MTUS2: variants seen among roughly 807,000 people sequenced by gnomAD.
MTUS2 encodes microtubule-associated tumor suppressor candidate 2.
MTUS2 carries 40 observed loss-of-function variants against 114.1 expected under a neutral mutation model. The ratio of observed to expected loss-of-function variants is 0.35; its 90% confidence interval spans 0.27 to 0.46. The LOEUF (loss-of-function observed/expected upper bound fraction) is 0.46. Ranked by LOEUF, MTUS2 falls within the 20% of genes least tolerant of loss-of-function variation. The pLI, the probability that MTUS2 is intolerant of heterozygous loss-of-function variation, is 1.00. For missense variants in MTUS2, 1,679 were observed against 1,705.4 expected (o/e 0.98, Z 0.27); for synonymous variants, 688 against 672.0 (o/e 1.02, Z -0.37).
chr13:28,909,794 C>G (rs1213030287), intron 2 of MTUS2, among the ~76,000 whole-genome samples: 1 of 152,150 alleles, frequency 6.6e-6, no homozygotes, highest in African/African-American at 2.4e-5. Flanking sequence ...CGTCTCAGCC[C>G]AAAATCTCCT....
intron 5 of MTUS2, among the ~76,000 whole-genome samples, chr13:29,195,318 A>G (rs1476956571): frequency 6.6e-6 from 1 of 151,982 alleles, no homozygotes; most frequent in African/African-American, 2.4e-5. Context: ...AAGGTTATCA[A>G]GAAGAAAATA....
intron 2 of MTUS2, among the ~76,000 whole-genome samples, chr13:28,854,153 C>T (rs1403238911): frequency 2.0e-5 from 3 of 152,158 alleles, no homozygotes; most frequent in African/African-American, 7.2e-5. Context: ...AAGACTTACC[C>T]TAGACCTCTG....
At chr13:29,187,424 T>A (rs1028247819) in intron 5 of MTUS2, among the ~76,000 whole-genome samples, 1 of 152,192 alleles carries the variant, frequency 6.6e-6, no homozygotes, top group East Asian at 1.9e-4. Context: ...ACATTACTAC[T>A]GACCTTAGAG....
At chr13:29,237,651 A>T in intron 5 of MTUS2, among the ~76,000 whole-genome samples, 1 of 152,164 alleles carries the variant, frequency 6.6e-6, no homozygotes. Flanking sequence ...TACTTCTGTG[A>T]CTTCGATTCT....
At chr13:29,244,443 G>A (rs929783629) in intron 5 of MTUS2, among the ~76,000 whole-genome samples, 3 of 151,980 alleles carry the variant, frequency 2.0e-5, no homozygotes, top group African/African-American at 7.3e-5. Flanking sequence ...AAGGAGAGAA[G>A]CAAGTGAGGG....
intron 5 of MTUS2, among the ~76,000 whole-genome samples, chr13:29,246,775 A>G (rs1207298301): frequency 6.6e-6 from 1 of 152,180 alleles, no homozygotes; most frequent in African/African-American, 2.4e-5. Context: ...ACAAATGGAA[A>G]CACATCCCAT....
intron 11 of MTUS2, among the ~76,000 whole-genome samples, chr13:29,489,026 C>T (rs919577408): frequency 3.3e-5 from 5 of 152,246 alleles, no homozygotes; most frequent in Admixed American, 2.0e-4. Context: ...GGCTCACACC[C>T]GTAATCCCAG....
At chr13:29,020,516 G>A (rs1225600160) in intron 2 of MTUS2, among the ~76,000 whole-genome samples, 1 of 152,184 alleles carries the variant, frequency 6.6e-6, no homozygotes, top group African/African-American at 2.4e-5. Flanking sequence ...AGGGAGACGC[G>A]TGAGGCCACA....
chr13:28,884,627 C>T (rs1308883059), intron 2 of MTUS2, among the ~76,000 whole-genome samples: 4 of 152,064 alleles, frequency 2.6e-5, no homozygotes, highest in East Asian at 1.9e-4. Flanking sequence ...GAGCGGGGAA[C>T]GGGAGTGAGT....
intron 4 of MTUS2, among the ~76,000 whole-genome samples, chr13:29,046,919 G>A (rs538013024): frequency 1.3e-5 from 2 of 152,202 alleles, no homozygotes; most frequent in African/African-American, 4.8e-5. Context: ...CAAATGTTTA[G>A]CCAACTGGGA....
intron 5 of MTUS2, among the ~76,000 whole-genome samples, chr13:29,203,963 T>TC (rs1895074038): frequency 6.6e-6 from 1 of 151,454 alleles, no homozygotes; most frequent in African/African-American, 2.4e-5. Context: ...GCTGTTACTT[T>TC]TTTTTTTTTT....
intron 5 of MTUS2, among the ~76,000 whole-genome samples, chr13:29,236,084 G>GT (rs1896524973): frequency 6.6e-6 from 1 of 151,934 alleles, no homozygotes; most frequent in African/African-American, 2.4e-5. Flanking sequence ...GGTATATTGA[G>GT]TTTTTTTCCT....
intron 4 of MTUS2, among the ~76,000 whole-genome samples, chr13:29,096,450 C>T (rs1363603749): frequency 2.6e-5 from 4 of 152,200 alleles, no homozygotes; most frequent in Non-Finnish European, 5.9e-5. Flanking sequence ...TTTTTAAAGC[C>T]ACTCTTTGAG....
intron 2 of MTUS2, among the ~76,000 whole-genome samples, chr13:28,890,838 A>C (rs1415403271): frequency 6.6e-6 from 1 of 152,170 alleles, no homozygotes; most frequent in East Asian, 1.9e-4. Flanking sequence ...CGAGGCCTCC[A>C]GGGATTCCAC....
At chr13:29,191,560 T>A (rs2139196067) in intron 5 of MTUS2, among the ~76,000 whole-genome samples, 1 of 152,136 alleles carries the variant, frequency 6.6e-6, no homozygotes, top group South Asian at 2.1e-4. Flanking sequence ...AGTGCAAAGA[T>A]GGGCTGGGGA....
At chr13:29,165,625 T>C (rs1164868800) in intron 5 of MTUS2, among the ~76,000 whole-genome samples, 1 of 152,246 alleles carries the variant, frequency 6.6e-6, no homozygotes, top group Non-Finnish European at 1.5e-5. Context: ...AAACACTTGC[T>C]GTGTTTTCAA....
rs563595616 is a variant in MTUS2 at position 29,352,539 on chromosome 13, C to T, written c.2906-6723C>T. On this transcript the variant is annotated intron_variant, in intron 7 of 15. Coordinates refer to ENST00000612955, the MANE Select transcript of MTUS2 (RefSeq NM_001033602.4). ...AAGTGTACATTTCAGTGATCCCTGGCAACCACTAGTCTACTTTTTTGTTTT... is the reference window on the plus strand; with the variant it reads ...AAGTGTACATTTCAGTGATCCCTGGTAACCACTAGTCTACTTTTTTGTTTT... Among the ~76,000 whole-genome samples, 4 of 152,318 alleles carry T rather than the reference C, an allele frequency of 2.6e-5. No individual in the cohort carries two copies. In the East Asian group the frequency reaches 5.8e-4, roughly 22 times the overall value.
At chr13:29,497,690 AGCCT>A (rs2139007746) in intron 13 of MTUS2, 1 of 261,166 alleles carries the variant, frequency 3.8e-6, no homozygotes, top group East Asian at 7.7e-5. Context: ...GACATGGGGC[AGCCT>A]TGGCTGCAGC....
At chr13:29,258,475 A>G (rs1239643882) in intron 5 of MTUS2, among the ~76,000 whole-genome samples, 1 of 152,208 alleles carries the variant, frequency 6.6e-6, no homozygotes, top group Non-Finnish European at 1.5e-5. Context: ...ACCTAATCCC[A>G]CGAGTCAAAT....
Sources: gnomAD v4.1 joint callset for allele counts (sites outside exome capture counted in the v4.1 genomes callset) on GRCh38, gnomAD v4.1.1 for gene constraint, MANE v1.5 for transcripts, NCBI Gene and HGNC (gene_info 2026-07-23, HGNC 2026-07-21) for gene names.